Variants in STK32B observed in about 807,000 individuals in gnomAD.
STK32B encodes serine/threonine kinase 32B, also known as serine/threonine-protein kinase 32B.
A neutral mutation model predicts 52.6 loss-of-function variants in STK32B; 43 were observed. The observed-to-expected ratio is 0.82, with a 90% CI of 0.64 to 1.05. The LOEUF is 1.05. STK32B is among the 50% of genes least tolerant of loss of function. The probability of loss-of-function intolerance (pLI) is 0.00; values close to 1 mark genes in which losing one functional copy is unlikely to be tolerated. For synonymous variants in STK32B, 238 were observed against 204.3 expected (o/e 1.17, Z -1.41); for missense variants, 621 against 534.6 (o/e 1.16, Z -1.59).
intron 3 of STK32B, among the ~76,000 whole-genome samples, chr4:5,217,047 G>T (rs1022469285): frequency 1.3e-5 from 2 of 152,202 alleles, no homozygotes; most frequent in African/African-American, 4.8e-5. Context: ...GACACAGGAA[G>T]TGAATACCTT....
chr4:5,355,230 T>A (rs183373481), intron 4 of STK32B, among the ~76,000 whole-genome samples: 1 of 152,278 alleles, frequency 6.6e-6, no homozygotes, highest in African/African-American at 2.4e-5. Flanking sequence ...TAGTGAGTGA[T>A]CAAAAATGTG....
chr4:5,285,424 G>A (rs747255655), intron 3 of STK32B, among the ~76,000 whole-genome samples: 1 of 152,126 alleles, frequency 6.6e-6, no homozygotes, highest in Non-Finnish European at 1.5e-5. Flanking sequence ...AAACCTATGT[G>A]TAGCCTATTT....
At chr4:5,333,869 G>C (rs1364804690) in intron 4 of STK32B, among the ~76,000 whole-genome samples, 1 of 152,098 alleles carries the variant, frequency 6.6e-6, no homozygotes, top group Non-Finnish European at 1.5e-5. Context: ...TGCTGTTTTG[G>C]TTACTGTAAC....
At chr4:5,038,450 G>C in the STK32B span, among the ~76,000 whole-genome samples, 1 of 152,172 alleles carries the variant, frequency 6.6e-6, no homozygotes. Context: ...ACAAATCATA[G>C]AGAATACTTA....
intron 2 of STK32B, among the ~76,000 whole-genome samples, chr4:5,151,317 A>G (rs1329096033): frequency 2.6e-5 from 4 of 152,188 alleles, no homozygotes; most frequent in African/African-American, 9.7e-5. Flanking sequence ...GACTATTATT[A>G]AAGTTAAGGT....
chr4:5,337,051 T>C (rs553314053), intron 4 of STK32B, among the ~76,000 whole-genome samples: 1 of 152,248 alleles, frequency 6.6e-6, no homozygotes, highest in African/African-American at 2.4e-5. Context: ...CGATCATGGC[T>C]CACTGCAGCC....
At chr4:5,183,473 A>T (rs1158551150) in intron 3 of STK32B, among the ~76,000 whole-genome samples, 1 of 150,518 alleles carries the variant, frequency 6.6e-6, no homozygotes, top group Non-Finnish European at 1.5e-5. Flanking sequence ...GCAAAACTCC[A>T]TCTCAAAAAA....
chr4:5,108,517 T>G (rs898945222), intron 1 of STK32B, among the ~76,000 whole-genome samples: 1 of 152,242 alleles, frequency 6.6e-6, no homozygotes, highest in African/African-American at 2.4e-5. Context: ...TTTTCTGTTT[T>G]CTGGAAGAGT....
chr4:5,250,455 T>G (rs6839068), intron 3 of STK32B, among the ~76,000 whole-genome samples: 39,430 of 151,652 alleles, frequency 0.26, 6,267 homozygotes, highest in African/African-American at 0.44. Context: ...TGGGATTACA[T>G]GCATGTATCA....
intron 1 of STK32B, among the ~76,000 whole-genome samples, chr4:5,132,756 A>T (rs1197190874): frequency 6.6e-6 from 1 of 152,070 alleles, no homozygotes. Context: ...GCACCTGGAA[A>T]TTCATACACC....
At chr4:5,308,437 C>T (rs1470385262) in intron 3 of STK32B, among the ~76,000 whole-genome samples, 1 of 152,104 alleles carries the variant, frequency 6.6e-6, no homozygotes, top group Admixed American at 6.6e-5. Context: ...GTAATCTACA[C>T]TCTTCCGATG....
chr4:5,069,757 A>G (rs1711639070), intron 1 of STK32B, among the ~76,000 whole-genome samples: 1 of 152,228 alleles, frequency 6.6e-6, no homozygotes, highest in Non-Finnish European at 1.5e-5. Context: ...TTAAAATTTT[A>G]TGACTGAAGA....
rs1053942498 is a variant in STK32B, at chr4:5,486,906, C to T, written c.1107-12039C>T. On this transcript the variant is annotated intron_variant, in intron 11 of 11. Coordinates refer to ENST00000282908, the MANE Select transcript of STK32B (RefSeq NM_018401.3). ...TGCTCTTTGAGAAGTTTCACTGGCACCAGTAAGATGTTGAGCAGTTAGCAA... is the reference window on the plus strand; with the variant it reads ...TGCTCTTTGAGAAGTTTCACTGGCATCAGTAAGATGTTGAGCAGTTAGCAA... Among the ~76,000 whole-genome samples, 9 of 152,174 alleles carry T rather than the reference C, an allele frequency of 5.9e-5. No individual in the cohort carries two copies. The East Asian group carries it at 1.7e-3, about 29-fold the overall frequency.
chr4:5,309,008 C>A (rs1730113423), intron 3 of STK32B, among the ~76,000 whole-genome samples: 1 of 151,896 alleles, frequency 6.6e-6, no homozygotes, highest in African/African-American at 2.4e-5. Context: ...ACCCTAAAAG[C>A]TCCACAAAAA....
rs1716875588 is a variant in STK32B at position 5,459,650 on chromosome 4, AG to A, written c.784-451del. 2.0e-5 allele frequency among the ~76,000 whole-genome samples: 3 copies of A among 152,222 alleles called. No homozygotes were observed. In the South Asian group the frequency reaches 6.2e-4, roughly 32 times the overall value. ...AAAAGTGTCCCCTTGGCTACAAATG[AG>A]GCCACTTCATTAGGTCACAGAGATC... is the stretch of plus-strand genomic sequence containing the variant. On this transcript the variant is annotated intron_variant, in intron 8 of 11. Transcript: ENST00000282908.
intron 1 of STK32B, 99 bp from the exon 2 acceptor site, chr4:5,139,806 C>G (rs1716293896): frequency 2.2e-6 from 3 of 1,382,548 alleles, no homozygotes; most frequent in Non-Finnish European, 3.1e-6. Flanking sequence ...GACCCAAGAG[C>G]CTTTGGAATA....
intron 3 of STK32B, among the ~76,000 whole-genome samples, chr4:5,315,464 G>A (rs992426212): frequency 2.0e-5 from 3 of 151,868 alleles, no homozygotes; most frequent in African/African-American, 2.4e-5. Flanking sequence ...ACTGCTTCAA[G>A]TAATTAATAT....
intron 6 of STK32B, among the ~76,000 whole-genome samples, chr4:5,419,544 T>C (rs894399219): frequency 3.9e-5 from 6 of 152,210 alleles, no homozygotes; most frequent in Admixed American, 1.3e-4. Context: ...GTTCTCAAAG[T>C]CGTTGTCTGT....
intron 1 of STK32B, among the ~76,000 whole-genome samples, chr4:5,072,327 G>A (rs536812105): frequency 1.6e-4 from 24 of 152,172 alleles, no homozygotes; most frequent in African/African-American, 5.3e-4. Flanking sequence ...TTGCACTCCT[G>A]CTTCTCTTCC....
Sources: gnomAD v4.1 joint callset for allele counts (sites outside exome capture counted in the v4.1 genomes callset) on GRCh38, gnomAD v4.1.1 for gene constraint, MANE v1.5 for transcripts, NCBI Gene and HGNC (gene_info 2026-07-23, HGNC 2026-07-21) for gene names.